The following ANKRD62 variants were observed in gnomAD, a reference collection of about 807,000 sequenced individuals.
ANKRD62 encodes the protein ankyrin repeat domain 62.
Under a neutral mutation model 98.8 loss-of-function variants are expected in ANKRD62, and 61 were observed. That is an observed-to-expected ratio of 0.62 (90% CI 0.50 to 0.76). The LOEUF (loss-of-function observed/expected upper bound fraction) is 0.76, where lower values mean the gene tolerates loss of function less well. Ranked by LOEUF, ANKRD62 falls within the 30% of genes least tolerant of loss-of-function variation. The pLI is 0.00. For synonymous variants in ANKRD62, 341 were observed against 367.9 expected (o/e 0.93, Z 0.84); for missense variants, 933 against 1,082.9 (o/e 0.86, Z 1.94).
At chr18:12,156,581 A>G in the ANKRD62 span, among the ~76,000 whole-genome samples, 1 of 152,200 alleles carries the variant, frequency 6.6e-6, no homozygotes, top group East Asian at 1.9e-4. Flanking sequence ...ATCACATAAT[A>G]TAAGTCTAGA....
At chr18:12,168,538 C>G in the ANKRD62 span, among the ~76,000 whole-genome samples, 1,081 of 152,266 alleles carry the variant, frequency 7.1e-3, 27 homozygotes, top group Admixed American at 0.059. Flanking sequence ...ATTACTGTAG[C>G]CTTGTAGTAT....
chr18:12,168,471 T>A, the ANKRD62 span, among the ~76,000 whole-genome samples: 1 of 152,242 alleles, frequency 6.6e-6, no homozygotes, highest in African/African-American at 2.4e-5. Flanking sequence ...TTCTGAGACC[T>A]CTGTTCTTTT....
the ANKRD62 span, among the ~76,000 whole-genome samples, chr18:12,162,305 T>C: frequency 3.3e-5 from 5 of 152,148 alleles, no homozygotes; most frequent in African/African-American, 1.2e-4. Context: ...CTGTTTGGCA[T>C]TTATATGTCT....
chr18:12,095,544 T>C lies in ANKRD62; in HGVS notation c.441T>C (p.Asp147=). The change falls in exon 3 of 14, where the codon GAT becomes GAC. Residue 147 remains aspartate, a synonymous_variant. Coordinates refer to ENST00000587848, the MANE Select transcript of ANKRD62 (RefSeq NM_001277333.2). Reference sequence around the variant, plus strand: ...ACACTGCTCTGCACTATGCCATTGATAATGAGAATATATCAATGGCAAGAA... The same window carrying C: ...ACACTGCTCTGCACTATGCCATTGACAATGAGAATATATCAATGGCAAGAA... ...YGNTALHYAI[D]NENISMARKL... is the part of the protein sequence containing the mutation. The C allele has an allele frequency of 6.4e-7, 1 of 1,551,544 alleles. No individual in the cohort carries two copies. Among genetic ancestry groups the C allele is most frequent in the Non-Finnish European group, 8.7e-7 (1 of 1,154,444 alleles).
chr18:12,118,762 C>T (rs1248677639), intron 10 of ANKRD62, among the ~76,000 whole-genome samples: 1 of 152,024 alleles, frequency 6.6e-6, no homozygotes, highest in Non-Finnish European at 1.5e-5. Flanking sequence ...GGCTGTTTAA[C>T]CACAGTTTAT....
chr18:12,139,793 T>C, the ANKRD62 span, among the ~76,000 whole-genome samples: 18 of 152,176 alleles, frequency 1.2e-4, no homozygotes, highest in Non-Finnish European at 5.9e-5. Flanking sequence ...TTTCCTTCAT[T>C]TCAACTTTGG....
chr18:12,168,830 C>A, the ANKRD62 span, among the ~76,000 whole-genome samples: 7 of 152,170 alleles, frequency 4.6e-5, no homozygotes, highest in African/African-American at 1.7e-4. Flanking sequence ...GTTTGTAGTT[C>A]TCCTTGAAGA....
Position 12,127,734 on chromosome 18 carries a change from T to C in ANKRD62, c.2563-14T>C. 7.3e-7 allele frequency: 1 copy of C among 1,363,014 alleles called. No individual in the cohort carries two copies. The highest frequency in any genetic ancestry group is 9.4e-7 in the Non-Finnish European group (1 of 1,063,034). 84.4% of individuals were successfully genotyped at this position (1,363,014 alleles called of 1,614,324 possible). On this transcript the variant is annotated splice_polypyrimidine_tract_variant and intron_variant, in intron 13 of 13. Transcript: ENST00000587848. ...TGATATGTAAAATCAGTAACAAAAA[T>C]AACATCTTACCAGGTAGTCAGGAGA... is the stretch of plus-strand genomic sequence containing the variant.
At chr18:12,103,074 A>AT in intron 6 of ANKRD62, 84 bp from the exon 7 acceptor site, 2 of 978,416 alleles carry the variant, frequency 2.0e-6, no homozygotes, top group East Asian at 6.4e-5. Flanking sequence ...AAAATATGTT[A>AT]TTTTCTATTT....
chr18:12,113,316 C>T (rs193164255), intron 8 of ANKRD62, among the ~76,000 whole-genome samples: 5 of 152,202 alleles, frequency 3.3e-5, no homozygotes. Flanking sequence ...CATCTAACAC[C>T]AGTAAGAATG....
intron 7 of ANKRD62, among the ~76,000 whole-genome samples, chr18:12,106,483 C>T (rs375178624): frequency 1.3e-5 from 2 of 152,132 alleles, no homozygotes; most frequent in African/African-American, 2.4e-5. Context: ...ATGAATTTAT[C>T]GGTAATTTAT....
chr18:12,136,170 GT>G, the ANKRD62 span, among the ~76,000 whole-genome samples: 1 of 151,898 alleles, frequency 6.6e-6, no homozygotes, highest in Admixed American at 6.6e-5. Context: ...GGTTTTTATG[GT>G]TTTAGGTCTA....
the ANKRD62 span, among the ~76,000 whole-genome samples, chr18:12,162,136 C>T: frequency 6.6e-6 from 1 of 152,148 alleles, no homozygotes; most frequent in African/African-American, 2.4e-5. Context: ...ATGTTTCCAC[C>T]AACAGTGTAG....
intron 8 of ANKRD62, among the ~76,000 whole-genome samples, chr18:12,108,458 A>G (rs949628880): frequency 5.3e-5 from 8 of 152,230 alleles, no homozygotes; most frequent in African/African-American, 1.9e-4. Flanking sequence ...TGGGGGAAAC[A>G]GCCTCCATGA....
At chr18:12,099,469 A>G in intron 5 of ANKRD62, 146 bp from the exon 6 acceptor site, 2 of 450,706 alleles carry the variant, frequency 4.4e-6, no homozygotes, top group Non-Finnish European at 7.6e-6. Flanking sequence ...GAAGCTTAAT[A>G]AGAGTTTTGT....
intron 10 of ANKRD62, among the ~76,000 whole-genome samples, chr18:12,117,652 A>G (rs1017581139): frequency 1.3e-5 from 2 of 152,138 alleles, no homozygotes; most frequent in Admixed American, 1.3e-4. Flanking sequence ...TATTTTGCTG[A>G]GACTTTTTCA....
chr18:12,139,866 T>C, the ANKRD62 span, among the ~76,000 whole-genome samples: 1 of 152,274 alleles, frequency 6.6e-6, no homozygotes, highest in African/African-American at 2.4e-5. Flanking sequence ...TGGCATTCTC[T>C]GTATTTCCTG....
chr18:12,132,391 C>A (rs1403415994), downstream of ANKRD62, among the ~76,000 whole-genome samples: 4 of 152,022 alleles, frequency 2.6e-5, no homozygotes, highest in African/African-American at 9.7e-5. Flanking sequence ...TCTTTTCAGT[C>A]TAGATGCCTT....
At chr18:12,136,672 A>G in the ANKRD62 span, among the ~76,000 whole-genome samples, 2 of 152,226 alleles carry the variant, frequency 1.3e-5, no homozygotes, top group Admixed American at 6.5e-5. Flanking sequence ...CTTCGTACCC[A>G]TCAGCATGGA....
Sources: gnomAD v4.1 joint callset for allele counts (sites outside exome capture counted in the v4.1 genomes callset) on GRCh38, gnomAD v4.1.1 for gene constraint, MANE v1.5 for transcripts, NCBI Gene and HGNC (gene_info 2026-07-23, HGNC 2026-07-21) for gene names.